Variants in KIF2C observed in about 807,000 individuals in gnomAD.
KIF2C encodes kinesin family member 2C.
KIF2C carries 34 observed loss-of-function variants against 97.4 expected under a neutral mutation model. The observed-to-expected ratio is 0.35, with a 90% CI of 0.27 to 0.46. The LOEUF (loss-of-function observed/expected upper bound fraction) is 0.46. Among genes scored for constraint, KIF2C ranks in the 20% least tolerant of loss-of-function variants. KIF2C has a pLI of 1.00. For synonymous variants in KIF2C, 313 were observed against 318.2 expected (o/e 0.98, Z 0.17); for missense variants, 750 against 907.6 (o/e 0.83, Z 2.23).
At position 44,759,306 on chromosome 1, in the gene KIF2C, C is replaced by A; in HGVS notation, c.1325C>A (p.Ala442Asp). Residue 442 changes from alanine (A) to aspartate (D), a missense_variant, in exon 14 of 21, where the codon GCT becomes GAT. By Grantham distance (126) the Ala-to-Asp change is moderately radical. Transcript: ENST00000372224. Reference protein sequence around the residue: ...VGLQEHLVNSADDVIKMIDMG... With the variant: ...VGLQEHLVNSDDDVIKMIDMG... ...CTGCAGGAGCATCTGGTTAACTCTG[C>A]TGATGATGTCATCAAGATGATCGAC... 1 of 1,614,182 alleles carries A rather than the reference C, an allele frequency of 6.2e-7. No homozygotes were observed. The highest frequency in any genetic ancestry group is 1.1e-5 in the South Asian group (1 of 91,084).
At chr1:44,750,079 C>CA (rs67811341) in intron 4 of KIF2C, among the ~76,000 whole-genome samples, 789 of 68,012 alleles carry the variant, frequency 0.012, 4 homozygotes, top group Middle Eastern at 0.041. Context: ...CGAAACTCCT[C>CA]AAAAAAAAAA....
chr1:44,754,251 T>G (rs113659701), intron 7 of KIF2C, among the ~76,000 whole-genome samples: 214 of 152,148 alleles, frequency 1.4e-3, no homozygotes, highest in Non-Finnish European at 2.6e-3. Context: ...ATCCAGGAAA[T>G]TTAACTGGTT....
intron 4 of KIF2C, among the ~76,000 whole-genome samples, chr1:44,748,158 G>A (rs1020821762): frequency 1.3e-5 from 2 of 152,194 alleles, no homozygotes; most frequent in Admixed American, 1.3e-4. Context: ...TGGTCTAGGA[G>A]GTTGGGAGTC....
Position 44,756,154 on chromosome 1 carries a change from G to A in KIF2C, c.894G>A (p.Val298=), listed in dbSNP as rs752735774. The A allele has an allele frequency of 9.3e-6, 15 of 1,614,052 alleles. No homozygotes were observed. The African/African-American group carries it at 1.6e-4, about 17-fold the overall frequency. ...LLLVHEPKLK[V]DLTKYLENQA... is the part of the protein sequence containing the mutation. ...TGGTACATGAACCCAAGTTGAAAGT[G>A]GACTTAACAAAGTATCTGGAGAACC... Residue 298 remains valine (V), a synonymous_variant, in exon 10 of 21, where the codon GTG becomes GTA. Transcript: ENST00000372224.
intron 2 of KIF2C, among the ~76,000 whole-genome samples, chr1:44,744,133 A>G (rs1259281108): frequency 6.6e-6 from 1 of 150,706 alleles, no homozygotes. Flanking sequence ...CTCTATCGCC[A>G]GGCTGGAGTG....
chr1:44,765,664 C>T (rs940958851), intron 19 of KIF2C, among the ~76,000 whole-genome samples: 2 of 152,096 alleles, frequency 1.3e-5, no homozygotes. Context: ...GAAACCCTGT[C>T]TCTACTAAAA....
intron 16 of KIF2C, among the ~76,000 whole-genome samples, chr1:44,761,554 G>T (rs1650144359): frequency 6.6e-6 from 1 of 151,712 alleles, no homozygotes; most frequent in Non-Finnish European, 1.5e-5. Flanking sequence ...CTTGCAGTGA[G>T]CTGAGATCGC....
intron 19 of KIF2C, among the ~76,000 whole-genome samples, chr1:44,766,595 G>A (rs1036033798): frequency 1.3e-5 from 2 of 152,136 alleles, no homozygotes; most frequent in Admixed American, 1.3e-4. Context: ...TGGGCAACAA[G>A]AGTGAAACTG....
chr1:44,746,035 C>G (rs1179579991), intron 2 of KIF2C, among the ~76,000 whole-genome samples: 1 of 152,006 alleles, frequency 6.6e-6, no homozygotes, highest in East Asian at 1.9e-4. Context: ...CGCTGCCACA[C>G]CCAGCCAACT....
At position 44,760,319 on chromosome 1, in the gene KIF2C, C is replaced by T; in HGVS notation, c.1407C>T (p.Arg469=). Reference sequence around the variant, plus strand: ...CATTTGCCAACTCCAATTCCTCCCGCTCCCACGCGTGCTTCCAAATTATTC... The same window carrying T: ...CATTTGCCAACTCCAATTCCTCCCGTTCCCACGCGTGCTTCCAAATTATTC... ...GQTFANSNSS[R]SHACFQIILR... is the part of the protein sequence containing the mutation. Residue 469 remains arginine (R), a synonymous_variant, in exon 15 of 21, where the codon CGC becomes CGT. Transcript: ENST00000372224. The surrounding 1 kb of genome is among the most constrained non-coding windows in gnomAD (Gnocchi z 4.2). 6 of 1,614,218 alleles carry T rather than the reference C, an allele frequency of 3.7e-6. No individual in the cohort carries two copies. The highest frequency in any genetic ancestry group is 5.1e-6 in the Non-Finnish European group (6 of 1,180,056).
At chr1:44,754,080 A>G (rs573671611) in intron 7 of KIF2C, among the ~76,000 whole-genome samples, 27 of 147,672 alleles carry the variant, frequency 1.8e-4, no homozygotes, top group Non-Finnish European at 2.8e-4. Flanking sequence ...CAGCCTCCCA[A>G]GTAGCTGGGA....
Position 44,760,169 on chromosome 1 carries a change from A to G in KIF2C, c.1368-111A>G, listed in dbSNP as rs1650060800. On this transcript the variant is annotated intron_variant, in intron 14 of 20. Coordinates refer to ENST00000372224, the MANE Select transcript of KIF2C (RefSeq NM_006845.4). The surrounding 1 kb of genome is among the most constrained non-coding windows in gnomAD (Gnocchi z 4.2). ...AGATGGAAGCCTGGGACAGGAAAACAGGACTTTTTCGCCTCCTAACCTGTG... is the reference window on the plus strand; with the variant it reads ...AGATGGAAGCCTGGGACAGGAAAACGGGACTTTTTCGCCTCCTAACCTGTG... The G allele has an allele frequency of 1.1e-6, 1 of 883,814 alleles. No individual in the cohort carries two copies. The allele number at this position is 883,814 out of a possible 1,614,324, so 54.7% of individuals were successfully genotyped here.
At chr1:44,753,711 T>G in intron 6 of KIF2C, 22 bp from the exon 7 acceptor site, 1 of 1,196,856 alleles carries the variant, frequency 8.4e-7, no homozygotes, top group Non-Finnish European at 1.2e-6. Context: ...TTTTTTTTTC[T>G]TTTTTTTTTA....
At chr1:44,752,009 ACAGGGTTTCAC>A (rs949865541) in intron 5 of KIF2C, among the ~76,000 whole-genome samples, 3 of 149,570 alleles carry the variant, frequency 2.0e-5, no homozygotes, top group African/African-American at 7.4e-5. Flanking sequence ...TTTAGTAGAG[ACAGGGTTTCAC>A]CATATTGGCC....
At position 44,739,898 on chromosome 1, in the gene KIF2C, G is replaced by A. The variant is rs1383754436; in HGVS notation, c.-35G>A. 1 of 1,582,022 alleles carries A rather than the reference G, an allele frequency of 6.3e-7. No homozygotes were observed. Among genetic ancestry groups the A allele is most frequent in the African/African-American group, 1.3e-5 (1 of 74,294 alleles). The stretch of plus-strand genomic sequence containing the variant: ...GGGTTAGCGAAATTGAGGTTTCTTG[G>A]TATTGCGCGTTTCTCTTCCTTGCTG... On this transcript the variant is annotated 5_prime_UTR_variant, in exon 1 of 21. Coordinates refer to ENST00000372224, the MANE Select transcript of KIF2C (RefSeq NM_006845.4).
intron 1 of KIF2C, 39 bp downstream of exon 1, chr1:44,740,041 C>T (rs748744498): frequency 1.2e-6 from 2 of 1,612,160 alleles, no homozygotes; most frequent in South Asian, 1.1e-5. Flanking sequence ...GACTCGTGAG[C>T]GGTGAGACGA....
chr1:44,753,833 G>A lies in KIF2C; in HGVS notation c.663G>A (p.Gln221=). 6.3e-7 allele frequency: 1 copy of A among 1,594,348 alleles called. No homozygotes were observed. Among genetic ancestry groups the A allele is most frequent in the Non-Finnish European group, 8.6e-7 (1 of 1,168,450 alleles). Residue 221 remains glutamine (Q), a splice_region_variant and synonymous_variant, in exon 7 of 21, where the codon CAG becomes CAA. Coordinates refer to ENST00000372224, the MANE Select transcript of KIF2C (RefSeq NM_006845.4). ...QNSEMRMKRA[Q]EYDSSFPNWE... ...CTGAAATGAGAATGAAGAGAGCTCA[G>A]GTACCTTTCTTGGGAGACTAGGGTA...
chr1:44,747,888 C>G (rs1373253685), intron 4 of KIF2C, among the ~76,000 whole-genome samples, 188 bp downstream of exon 4: 1 of 152,198 alleles, frequency 6.6e-6, no homozygotes, highest in African/African-American at 2.4e-5. Flanking sequence ...CTTTAAGAGA[C>G]CTGGTGCATT....
At position 44,740,006 on chromosome 1, in the gene KIF2C, A is replaced by G; in HGVS notation, c.70+4A>G. 6.2e-7 allele frequency: 1 copy of G among 1,614,178 alleles called. No homozygotes were observed. The highest frequency in any genetic ancestry group is 8.5e-7 in the Non-Finnish European group (1 of 1,180,024). On this transcript the variant is annotated splice_donor_region_variant and intron_variant, in intron 1 of 20. Coordinates refer to ENST00000372224, the MANE Select transcript of KIF2C (RefSeq NM_006845.4). ...ATCAAGATCCAACGCAGTAATGGTG[A>G]GGAGCGGGGTCCCTAGGTCAAGGGG...
Sources: gnomAD v4.1 joint callset for allele counts (sites outside exome capture counted in the v4.1 genomes callset) on GRCh38, gnomAD v4.1.1 for gene constraint, Gnocchi (gnomAD v3.1) non-coding constraint, MANE v1.5 for transcripts, NCBI Gene and HGNC (gene_info 2026-07-23, HGNC 2026-07-21) for gene names.